GABRG3: variants seen among roughly 807,000 people sequenced by gnomAD.
The protein encoded by GABRG3 is gamma-aminobutyric acid type A receptor subunit gamma3, also known as gamma-aminobutyric acid receptor subunit gamma-3.
A neutral mutation model predicts 48.8 loss-of-function variants in GABRG3; 25 were observed. The ratio of observed to expected loss-of-function variants is 0.51; its 90% CI spans 0.37 to 0.72. GABRG3 has a LOEUF of 0.72. Among genes scored for constraint, GABRG3 ranks in the 30% least tolerant of loss-of-function variants. The pLI is 0.00. For missense variants in GABRG3, 394 were observed against 577.9 expected (o/e 0.68, Z 3.26); for synonymous variants, 227 against 217.6 (o/e 1.04, Z -0.38).
intron 5 of GABRG3, among the ~76,000 whole-genome samples, chr15:27,405,448 T>TG (rs1210522032): frequency 6.6e-6 from 1 of 152,128 alleles, no homozygotes; most frequent in African/African-American, 2.4e-5. Context: ...TTGTTAAGTG[T>TG]GGGGGGTCAA....
intron 3 of GABRG3, among the ~76,000 whole-genome samples, chr15:27,116,748 C>T (rs1180512551): frequency 6.6e-6 from 1 of 152,170 alleles, no homozygotes; most frequent in Non-Finnish European, 1.5e-5. Context: ...TTAAGGTTTT[C>T]ATAAAAGAGG....
chr15:27,177,728 A>G (rs1401531085), intron 3 of GABRG3, among the ~76,000 whole-genome samples: 2 of 152,240 alleles, frequency 1.3e-5, no homozygotes, highest in East Asian at 1.9e-4. Flanking sequence ...AGGTAGCAAA[A>G]TAGCCTCAGA....
chr15:27,255,415 C>T (rs1890582524), intron 3 of GABRG3, among the ~76,000 whole-genome samples: 1 of 152,200 alleles, frequency 6.6e-6, no homozygotes, highest in African/African-American at 2.4e-5. Flanking sequence ...CAGACCATGG[C>T]AGTGATCAGA....
rs1894949679 is a variant in GABRG3 at position 26,976,565 on chromosome 15, A to G, written c.54-437A>G. On this transcript the variant is annotated intron_variant, in intron 1 of 9. Coordinates refer to ENST00000615808, the MANE Select transcript of GABRG3 (RefSeq NM_033223.5). This position sits in a 1 kb window ranked among gnomAD's most constrained non-coding sequence, Gnocchi z 7.8. ...AGTCCACTCTGCAAAAGCTAATCTC[A>G]CCTTCAACGAAAATGAGGTCTTGGT... is the stretch of plus-strand genomic sequence containing the variant. 6.6e-6 allele frequency among the ~76,000 whole-genome samples: 1 copy of G among 151,686 alleles called. No individual in the cohort carries two copies. Among genetic ancestry groups the G allele is most frequent in the African/African-American group, 2.4e-5 (1 of 41,254 alleles).
chr15:27,021,242 A>T (rs1895888812), intron 2 of GABRG3, among the ~76,000 whole-genome samples: 1 of 152,222 alleles, frequency 6.6e-6, no homozygotes, highest in Admixed American at 6.5e-5. Context: ...TGGCAAGCTC[A>T]TGAGCATTTA....
At chr15:27,012,558 A>T (rs1435943838) in intron 2 of GABRG3, among the ~76,000 whole-genome samples, 1 of 152,128 alleles carries the variant, frequency 6.6e-6, no homozygotes, top group East Asian at 1.9e-4. Context: ...AATACATTAG[A>T]TGTTACTGGG....
At position 27,424,444 on chromosome 15, in the gene GABRG3, G is replaced by A. The variant is rs150608944; in HGVS notation, c.575-56206G>A. On this transcript the variant is annotated intron_variant, in intron 5 of 9. Transcript: ENST00000615808. ...TGCTGTGTCCTCACATGGCAGGGTCGGAGGGCAGATGGGAGGGAGACAGCT... is the reference window on the plus strand; with the variant it reads ...TGCTGTGTCCTCACATGGCAGGGTCAGAGGGCAGATGGGAGGGAGACAGCT... 4.0e-3 allele frequency among the ~76,000 whole-genome samples: 608 copies of A among 152,194 alleles called. 1 individual carries two copies. The highest frequency in any genetic ancestry group is 0.013 in the African/African-American group (559 of 41,532).
chr15:26,999,738 C>A (rs1012362216), intron 2 of GABRG3, among the ~76,000 whole-genome samples: 1 of 151,934 alleles, frequency 6.6e-6, no homozygotes, highest in African/African-American at 2.4e-5. Flanking sequence ...CTTTAAAGGC[C>A]CCAATTGCAC....
chr15:27,425,756 T>C (rs1888273377), intron 5 of GABRG3, among the ~76,000 whole-genome samples: 3 of 152,224 alleles, frequency 2.0e-5, no homozygotes, highest in Non-Finnish European at 4.4e-5. Flanking sequence ...TTACTTCTCC[T>C]TGGAGAATGT....
intron 3 of GABRG3, among the ~76,000 whole-genome samples, chr15:27,321,341 C>T (rs181559076): frequency 6.1e-4 from 93 of 152,296 alleles, no homozygotes; most frequent in African/African-American, 2.1e-3. Context: ...CTCAACCAGG[C>T]GGCCAGACCT....
intron 3 of GABRG3, among the ~76,000 whole-genome samples, chr15:27,108,968 G>A (rs907911913): frequency 6.6e-6 from 1 of 152,008 alleles, no homozygotes; most frequent in Non-Finnish European, 1.5e-5. Context: ...AGGCAAAAAG[G>A]GAGAGAAAGC....
intron 3 of GABRG3, among the ~76,000 whole-genome samples, chr15:27,130,634 A>G (rs1181888422): frequency 1.3e-5 from 2 of 152,094 alleles, no homozygotes; most frequent in African/African-American, 2.4e-5. Flanking sequence ...TTTGGGTAGT[A>G]TTGACATCTT....
chr15:27,104,832 A>G (rs1897422609), intron 3 of GABRG3, among the ~76,000 whole-genome samples: 1 of 152,192 alleles, frequency 6.6e-6, no homozygotes, highest in Non-Finnish European at 1.5e-5. Flanking sequence ...GGAACTATAC[A>G]TTTTTCAAAC....
chr15:27,316,387 C>CAAAA (rs749930128), intron 3 of GABRG3, among the ~76,000 whole-genome samples: 29 of 41,512 alleles, frequency 7.0e-4, no homozygotes, highest in African/African-American at 2.0e-3. Context: ...GACTCCGTCT[C>CAAAA]AAAAAAAAAA....
chr15:27,516,703 G>A (rs1193620213), intron 6 of GABRG3, among the ~76,000 whole-genome samples: 5 of 152,252 alleles, frequency 3.3e-5, no homozygotes, highest in Non-Finnish European at 5.9e-5. Context: ...TCTCTCTCTG[G>A]TGGTGGGAAC....
intron 3 of GABRG3, among the ~76,000 whole-genome samples, chr15:27,032,296 A>G (rs537374701): frequency 6.6e-6 from 1 of 152,350 alleles, no homozygotes; most frequent in South Asian, 2.1e-4. Flanking sequence ...CACATTAACC[A>G]TGAAGTCCCT....
chr15:27,430,987 C>CTCAA (rs1475164800), intron 5 of GABRG3, among the ~76,000 whole-genome samples: 4 of 132,354 alleles, frequency 3.0e-5, no homozygotes, highest in Non-Finnish European at 6.5e-5. Flanking sequence ...AAGTCCCTGT[C>CTCAA]TCAATAAATA....
intron 3 of GABRG3, among the ~76,000 whole-genome samples, chr15:27,193,340 G>A (rs1888390672): frequency 6.6e-6 from 1 of 152,068 alleles, no homozygotes; most frequent in Admixed American, 6.5e-5. Flanking sequence ...TACAGAGGCA[G>A]GCAGGCCTCC....
chr15:26,979,147 A>G (rs1033661149), intron 2 of GABRG3, among the ~76,000 whole-genome samples: 8 of 152,242 alleles, frequency 5.3e-5, no homozygotes, highest in Non-Finnish European at 1.0e-4. Context: ...TCTAATATAC[A>G]TAAATACAAT....
Sources: gnomAD v4.1 joint callset for allele counts (sites outside exome capture counted in the v4.1 genomes callset) on GRCh38, gnomAD v4.1.1 for gene constraint, Gnocchi (gnomAD v3.1) non-coding constraint, MANE v1.5 for transcripts, NCBI Gene and HGNC (gene_info 2026-07-23, HGNC 2026-07-21) for gene names.